The following POU6F2 variants were observed in gnomAD, a reference collection of about 807,000 sequenced individuals.
POU6F2 encodes the protein POU class 6 homeobox 2.
In POU6F2, 31 loss-of-function variants were observed where a neutral mutation model predicts 71.3. The observed-to-expected ratio is 0.43, with a 90% CI of 0.33 to 0.59. The LOEUF (loss-of-function observed/expected upper bound fraction) is 0.59. Among genes scored for constraint, POU6F2 ranks in the 20% least tolerant of loss-of-function variants. POU6F2 has a pLI of 0.04. For missense variants in POU6F2, 783 were observed against 856.8 expected (o/e 0.91, Z 1.07); for synonymous variants, 347 against 355.7 (o/e 0.98, Z 0.27).
chr7:39,252,512 G>T (rs9655034), intron 4 of POU6F2, among the ~76,000 whole-genome samples: 59,295 of 151,668 alleles, frequency 0.39, 12,623 homozygotes, highest in East Asian at 0.68. Context: ...AGACATCTTT[G>T]CCACTGTGAA....
intron 1 of POU6F2, among the ~76,000 whole-genome samples, chr7:39,040,101 G>GTATATATATGTA (rs142000087): frequency 1.1e-4 from 1 of 9,042 alleles, no homozygotes; most frequent in Admixed American, 1.9e-3. Context: ...TTATATATAT[G>GTATATATATGTA]TATATATTAT....
intron 1 of POU6F2, among the ~76,000 whole-genome samples, chr7:39,080,245 CTAAT>C (rs1370926845): frequency 6.6e-6 from 1 of 152,120 alleles, no homozygotes; most frequent in Non-Finnish European, 1.5e-5. Flanking sequence ...AAGAGCTAAA[CTAAT>C]TAATAATATT....
intron 1 of POU6F2, among the ~76,000 whole-genome samples, chr7:38,985,101 A>G (rs955857024): frequency 3.3e-5 from 5 of 152,158 alleles, no homozygotes; most frequent in African/African-American, 9.6e-5. Context: ...AGAAAAGTAG[A>G]TATTTCTTAA....
chr7:39,274,033 A>T (rs1377591376), intron 4 of POU6F2, among the ~76,000 whole-genome samples: 3 of 152,196 alleles, frequency 2.0e-5, no homozygotes, highest in Non-Finnish European at 4.4e-5. Flanking sequence ...TAACAGTTGT[A>T]TTCAAGAATT....
At chr7:39,155,253 G>T (rs940357488) in intron 2 of POU6F2, among the ~76,000 whole-genome samples, 2 of 150,828 alleles carry the variant, frequency 1.3e-5, no homozygotes, top group Non-Finnish European at 2.9e-5. Flanking sequence ...AGTTTTTTTG[G>T]GGGGTGGGGG....
intron 4 of POU6F2, among the ~76,000 whole-genome samples, chr7:39,297,527 A>T (rs117100900): frequency 2.0e-5 from 3 of 152,200 alleles, no homozygotes; most frequent in Admixed American, 6.5e-5. Context: ...TTGCTTTAAC[A>T]TATATAATCA....
At chr7:39,028,663 A>G (rs922682223) in intron 1 of POU6F2, among the ~76,000 whole-genome samples, 1 of 152,122 alleles carries the variant, frequency 6.6e-6, no homozygotes. Context: ...GTTCTAATCC[A>G]TAATCATGAT....
At chr7:39,415,766 C>T (rs749995693) in intron 6 of POU6F2, among the ~76,000 whole-genome samples, 1 of 152,168 alleles carries the variant, frequency 6.6e-6, no homozygotes, top group Non-Finnish European at 1.5e-5. Flanking sequence ...TAAGCCTTCA[C>T]CCTGGGGCTG....
chr7:39,073,634 G>T (rs960020502), intron 1 of POU6F2, among the ~76,000 whole-genome samples: 1 of 152,212 alleles, frequency 6.6e-6, no homozygotes, highest in African/African-American at 2.4e-5. Context: ...CGGAGCAGCT[G>T]GCGCTGGGCG....
intron 2 of POU6F2, among the ~76,000 whole-genome samples, chr7:39,139,482 T>C (rs1487051325): frequency 6.6e-6 from 1 of 152,218 alleles, no homozygotes; most frequent in Non-Finnish European, 1.5e-5. Flanking sequence ...ACTATTTGTT[T>C]TATCTTAGTT....
intron 6 of POU6F2, among the ~76,000 whole-genome samples, chr7:39,424,563 C>G (rs775807675): frequency 6.6e-6 from 1 of 152,178 alleles, no homozygotes; most frequent in Non-Finnish European, 1.5e-5. Flanking sequence ...CCACCAATCA[C>G]TCCAGGAATA....
At chr7:39,125,344 T>C (rs1467464594) in intron 2 of POU6F2, among the ~76,000 whole-genome samples, 1 of 152,170 alleles carries the variant, frequency 6.6e-6, no homozygotes, top group Non-Finnish European at 1.5e-5. Flanking sequence ...TCTGCTTTGA[T>C]TATTCCATTG....
chr7:39,183,738 T>A, intron 2 of POU6F2, among the ~76,000 whole-genome samples: 1 of 152,200 alleles, frequency 6.6e-6, no homozygotes, highest in East Asian at 1.9e-4. Flanking sequence ...AATTCTCACA[T>A]TTCTTAGCCC....
intron 4 of POU6F2, among the ~76,000 whole-genome samples, chr7:39,251,460 G>A (rs1485297647): frequency 6.6e-6 from 1 of 152,180 alleles, no homozygotes; most frequent in Non-Finnish European, 1.5e-5. Context: ...GAGTGTGGAG[G>A]AGGAAGAGCT....
At chr7:39,306,648 C>T (rs1398327976) in intron 4 of POU6F2, among the ~76,000 whole-genome samples, 1 of 152,152 alleles carries the variant, frequency 6.6e-6, no homozygotes, top group Non-Finnish European at 1.5e-5. Flanking sequence ...CTTTTGGGGT[C>T]ACTACCTAAT....
chr7:39,278,323 A>G lies in POU6F2; in HGVS notation c.599-61319A>G, dbSNP rs994719422. Among the ~76,000 whole-genome samples, 12 of 152,054 alleles carry G rather than the reference A, an allele frequency of 7.9e-5. 1 individual carries two copies. The East Asian group carries it at 1.9e-3, about 24-fold the overall frequency. The stretch of plus-strand genomic sequence containing the variant: ...ATCCAGGCCCAGGAGACACAAACCA[A>G]TGGCATTGAGCCTGTTTATGGTCAC... On this transcript the variant is annotated intron_variant, in intron 4 of 9. Transcript: ENST00000518318.
chr7:38,992,096 G>C (rs1788619169), intron 1 of POU6F2, among the ~76,000 whole-genome samples: 2 of 152,090 alleles, frequency 1.3e-5, no homozygotes, highest in Admixed American at 6.6e-5. Context: ...CTCTCTAGAG[G>C]TATGTCCTGG....
chr7:39,083,229 A>T (rs1016156416), intron 1 of POU6F2, among the ~76,000 whole-genome samples: 1 of 152,190 alleles, frequency 6.6e-6, no homozygotes, highest in Non-Finnish European at 1.5e-5. Context: ...ATTAATAATC[A>T]TGTCTGTTTT....
At position 39,432,839 on chromosome 7, in the gene POU6F2, T is replaced by C. The variant is rs978440269; in HGVS notation, c.1114-238T>C. Among the ~76,000 whole-genome samples the C allele has an allele frequency of 1.3e-5, 2 of 152,234 alleles. 1 individual carries two copies. The highest frequency in any genetic ancestry group is 1.3e-4 in the Admixed American group (2 of 15,296). ...TTATACCTTAACAGATGCTTGATTT[T>C]ATTTTTAAATAAGATGTTTCTCCCT... is the stretch of plus-strand genomic sequence containing the variant. On this transcript the variant is annotated intron_variant, in intron 6 of 9. Transcript: ENST00000518318.
Sources: gnomAD v4.1 joint callset for allele counts (sites outside exome capture counted in the v4.1 genomes callset) on GRCh38, gnomAD v4.1.1 for gene constraint, MANE v1.5 for transcripts, NCBI Gene and HGNC (gene_info 2026-07-23, HGNC 2026-07-21) for gene names.